The following MUSK variants were observed in gnomAD, a reference collection of about 807,000 sequenced individuals.
MUSK encodes muscle associated receptor tyrosine kinase.
In MUSK, 55 loss-of-function variants were observed where a neutral mutation model predicts 88.7. The observed-to-expected ratio is 0.62, with a 90% CI of 0.50 to 0.78. MUSK has a LOEUF of 0.78. MUSK is among the 30% of genes least tolerant of loss of function. The pLI is 0.00. For missense variants in MUSK, 1,015 were observed against 1,074.3 expected (o/e 0.94, Z 0.77); for synonymous variants, 387 against 391.9 (o/e 0.99, Z 0.15).
intron 5 of MUSK, among the ~76,000 whole-genome samples, chr9:110,724,828 A>G: frequency 6.6e-6 from 1 of 152,006 alleles, no homozygotes. Context: ...TCTTTGTGCT[A>G]TAATTATTAT....
chr9:110,762,674 C>T (rs1418652001), intron 8 of MUSK, among the ~76,000 whole-genome samples: 1 of 152,174 alleles, frequency 6.6e-6, no homozygotes, highest in Non-Finnish European at 1.5e-5. Context: ...AACTGCCAAA[C>T]TCCCCCTTAT....
intron 3 of MUSK, among the ~76,000 whole-genome samples, chr9:110,689,935 TA>T (rs1235180436): frequency 4.2e-5 from 4 of 95,656 alleles, no homozygotes; most frequent in African/African-American, 1.8e-4. Flanking sequence ...ATATAATATA[TA>T]AATATATATT....
At chr9:110,686,275 A>G (rs953835681) in intron 2 of MUSK, among the ~76,000 whole-genome samples, 1 of 152,036 alleles carries the variant, frequency 6.6e-6, no homozygotes, top group African/African-American at 2.4e-5. Context: ...TCTCTCTTCC[A>G]TCTTTTAAGG....
At chr9:110,771,658 C>T (rs1437253165) in intron 9 of MUSK, among the ~76,000 whole-genome samples, 1 of 152,120 alleles carries the variant, frequency 6.6e-6, no homozygotes, top group Non-Finnish European at 1.5e-5. Context: ...TAGGGTCAAG[C>T]TCCCCTTCAT....
At chr9:110,766,871 CATA>C (rs1459681597) in intron 8 of MUSK, among the ~76,000 whole-genome samples, 12 of 152,182 alleles carry the variant, frequency 7.9e-5, no homozygotes, top group Non-Finnish European at 1.3e-4. Context: ...AGTGCCTACA[CATA>C]ATAAGTATTC....
Position 110,697,457 on chromosome 9 carries a change from G to C in MUSK, c.619G>C (p.Glu207Gln), listed in dbSNP as rs1216023199. The C allele has an allele frequency of 6.2e-7, 1 of 1,607,940 alleles. No homozygotes were observed. The highest frequency in any genetic ancestry group is 1.1e-5 in the South Asian group (1 of 89,780). The change falls in exon 5 of 15, where the codon GAA (glutamate) becomes CAA (glutamine). Residue 207 changes from glutamate to glutamine, a missense_variant. Coordinates refer to ENST00000374448, the MANE Select transcript of MUSK (RefSeq NM_005592.4). ...AGCATATTCCAAAGTGGTGAAGCTG[G>C]AAGTTGAGGGTAAGGAGCTGCATTT... ...GTAYSKVVKL[E>Q]VEVFARILRA...
intron 8 of MUSK, among the ~76,000 whole-genome samples, chr9:110,764,603 T>TAGATTAGATAGATAGATAGA (rs143325894): frequency 2.0e-5 from 3 of 149,006 alleles, no homozygotes; most frequent in Non-Finnish European, 4.5e-5. Flanking sequence ...GATAGATAGA[T>TAGATTAGATAGATAGATAGA]TAGATAGATA....
chr9:110,702,284 G>A (rs1336394011), intron 5 of MUSK, among the ~76,000 whole-genome samples: 1 of 151,986 alleles, frequency 6.6e-6, no homozygotes, highest in Non-Finnish European at 1.5e-5. Flanking sequence ...AAGGTAATGG[G>A]ACAGGTGCTC....
At chr9:110,776,006 T>G (rs1288600120) in intron 10 of MUSK, 43 bp downstream of exon 10, 1 of 1,543,476 alleles carries the variant, frequency 6.5e-7, no homozygotes, top group Admixed American at 2.1e-5. Context: ...TAAGAGAAAT[T>G]TACTATTTTG....
intron 3 of MUSK, among the ~76,000 whole-genome samples, chr9:110,688,663 T>G (rs2076229701): frequency 6.6e-6 from 1 of 151,896 alleles, no homozygotes; most frequent in African/African-American, 2.4e-5. Flanking sequence ...TCCCCCCATG[T>G]GTTCATGTGT....
At chr9:110,701,288 C>T (rs1409441997) in intron 5 of MUSK, among the ~76,000 whole-genome samples, 1 of 152,046 alleles carries the variant, frequency 6.6e-6, no homozygotes, top group Non-Finnish European at 1.5e-5. Flanking sequence ...CTCTGCTGTA[C>T]AGGTGTAAGT....
At chr9:110,771,161 C>CTTTTTTTTTTTTTTTTT (rs34185224) in intron 9 of MUSK, among the ~76,000 whole-genome samples, 1 of 96,434 alleles carries the variant, frequency 1.0e-5, no homozygotes, top group Non-Finnish European at 1.9e-5. Flanking sequence ...TCATTTCCTT[C>CTTTTTTTTTTTTTTTTT]TTTTTTTTTT....
At chr9:110,748,395 C>T (rs1380455290) in intron 7 of MUSK, among the ~76,000 whole-genome samples, 1 of 152,168 alleles carries the variant, frequency 6.6e-6, no homozygotes. Context: ...TCCCTGTGGT[C>T]TTTCCCTTCC....
At chr9:110,752,535 A>T (rs534577636) in intron 7 of MUSK, among the ~76,000 whole-genome samples, 2 of 152,348 alleles carry the variant, frequency 1.3e-5, no homozygotes, top group Admixed American at 1.3e-4. Context: ...ATGCTTCCTT[A>T]ATGCCAAACT....
intron 6 of MUSK, among the ~76,000 whole-genome samples, chr9:110,745,592 C>A (rs554355397): frequency 1.7e-4 from 26 of 152,188 alleles, no homozygotes; most frequent in Admixed American, 1.6e-3. Context: ...TTTTCAGTCC[C>A]CTTGATCTAA....
intron 5 of MUSK, among the ~76,000 whole-genome samples, chr9:110,717,923 T>A (rs1197775206): frequency 2.0e-5 from 3 of 152,140 alleles, no homozygotes; most frequent in African/African-American, 7.2e-5. Flanking sequence ...CTGTAACGAA[T>A]TACACAGAAA....
chr9:110,743,680 T>A (rs1248267701), intron 6 of MUSK, among the ~76,000 whole-genome samples: 1 of 152,194 alleles, frequency 6.6e-6, no homozygotes, highest in African/African-American at 2.4e-5. Context: ...GGGAGGCATA[T>A]CTATATTTAG....
chr9:110,672,964 T>C (rs1173909629), intron 1 of MUSK, among the ~76,000 whole-genome samples: 1 of 152,206 alleles, frequency 6.6e-6, no homozygotes, highest in Non-Finnish European at 1.5e-5. Context: ...TTGTTATTCA[T>C]GTAGTCCTTG....
At chr9:110,765,263 G>GT (rs1469920307) in intron 8 of MUSK, among the ~76,000 whole-genome samples, 8 of 152,130 alleles carry the variant, frequency 5.3e-5, no homozygotes, top group Non-Finnish European at 1.0e-4. Flanking sequence ...ACATGGTGGA[G>GT]TTTTTTCTGT....
Sources: allele counts gnomAD v4.1 joint callset (sites outside exome capture counted in the v4.1 genomes callset), GRCh38; gene constraint gnomAD v4.1.1; transcripts MANE v1.5; gene names NCBI Gene and HGNC (gene_info 2026-07-23, HGNC 2026-07-21).